LYPLA1: variants seen among roughly 807,000 people sequenced by gnomAD.
LYPLA1 encodes acyl-protein thioesterase 1.
A neutral mutation model predicts 34.0 loss-of-function variants in LYPLA1; 17 were observed. That is an observed-to-expected ratio of 0.50 (90% CI 0.34 to 0.75). The LOEUF (loss-of-function observed/expected upper bound fraction) is 0.75, where lower values mean the gene tolerates loss of function less well. Among genes scored for constraint, LYPLA1 ranks in the 30% least tolerant of loss-of-function variants. The pLI, the probability that LYPLA1 is intolerant of heterozygous loss-of-function variation, is 0.01. For missense variants in LYPLA1, 203 were observed against 288.8 expected, an observed-to-expected ratio of 0.70 and a Z score of 2.15; for synonymous variants, 98 against 100.8, an observed-to-expected ratio of 0.97 and a Z score of 0.17.
At chr8:54,100,494 C>A (rs2129376808) in intron 2 of LYPLA1, 1 of 180,318 alleles carries the variant, frequency 5.5e-6, no homozygotes, top group South Asian at 1.1e-4. Flanking sequence ...AACATCTAAT[C>A]CCTCTATTCA....
chr8:54,096,667 C>G (rs1809710111), intron 2 of LYPLA1, among the ~76,000 whole-genome samples: 1 of 151,506 alleles, frequency 6.6e-6, no homozygotes, highest in South Asian at 2.1e-4. Flanking sequence ...CACTTGAACT[C>G]AGGAGGCAGA....
At chr8:54,059,494 C>T (rs1298879526) in intron 5 of LYPLA1, among the ~76,000 whole-genome samples, 1 of 90,062 alleles carries the variant, frequency 1.1e-5, no homozygotes. Context: ...TTAGTAGAGA[C>T]GGGGTTTCAC....
chr8:54,049,371 C>G (rs761566364), intron 8 of LYPLA1, among the ~76,000 whole-genome samples: 5 of 152,148 alleles, frequency 3.3e-5, no homozygotes, highest in Non-Finnish European at 5.9e-5. Context: ...CAAGCACTCT[C>G]TTCTCTCTCC....
intron 4 of LYPLA1, among the ~76,000 whole-genome samples, 161 bp from the exon 5 acceptor site, chr8:54,062,485 C>T (rs948384444): frequency 4.3e-5 from 6 of 140,056 alleles, no homozygotes; most frequent in African/African-American, 1.6e-4. Context: ...GAGACGAAGT[C>T]TCACTATTTA....
intron 5 of LYPLA1, 78 bp downstream of exon 5, chr8:54,062,176 C>T: frequency 9.6e-7 from 1 of 1,037,550 alleles, no homozygotes; most frequent in South Asian, 1.4e-5. Context: ...TAATTTTTAA[C>T]CAGTAGCGAT....
rs1436643368 is a variant in LYPLA1, at chr8:54,052,988, T to C, written c.361-232A>G. The C allele has an allele frequency of 3.3e-5, 15 of 453,976 alleles. No individual in the cohort carries two copies. In the East Asian group the frequency reaches 4.0e-4, roughly 12 times the overall value. The allele number at this position is 453,976 out of a possible 1,614,324, so 28.1% of individuals were successfully genotyped here. ...TTCCGACGAGACATAGTTTGTACCA[T>C]GGGAAACTGCTGCACTTACAACATG... is the stretch of plus-strand genomic sequence containing the variant. On this transcript the variant is annotated intron_variant, in intron 6 of 8. Transcript: ENST00000316963.
At chr8:54,070,657 A>T (rs935342385) in intron 2 of LYPLA1, among the ~76,000 whole-genome samples, 1 of 152,142 alleles carries the variant, frequency 6.6e-6, no homozygotes, top group Admixed American at 6.5e-5. Context: ...CGGGAGGAGG[A>T]GGTTGCAGTG....
intron 2 of LYPLA1, among the ~76,000 whole-genome samples, chr8:54,076,145 A>ATTCC (rs1328933158): frequency 2.6e-5 from 4 of 152,188 alleles, no homozygotes; most frequent in African/African-American, 9.7e-5. Context: ...TGTGGAAACT[A>ATTCC]TTAAATGCTC....
chr8:54,099,732 G>A (rs911937218), intron 2 of LYPLA1, among the ~76,000 whole-genome samples: 3 of 151,582 alleles, frequency 2.0e-5, no homozygotes, highest in African/African-American at 7.3e-5. Context: ...GGCCCAGGCT[G>A]GAGTGCAGTC....
chr8:54,084,219 C>CA (rs1808539693), intron 2 of LYPLA1, among the ~76,000 whole-genome samples: 1 of 142,280 alleles, frequency 7.0e-6, no homozygotes, highest in Admixed American at 6.9e-5. Flanking sequence ...AAACCAAAAC[C>CA]AAAAAACTTT....
intron 5 of LYPLA1, among the ~76,000 whole-genome samples, chr8:54,056,474 AGC>A (rs1436502317): frequency 2.0e-5 from 3 of 152,248 alleles, no homozygotes; most frequent in Non-Finnish European, 4.4e-5. Flanking sequence ...GCTTCTGCAC[AGC>A]AAAGGATACA....
downstream of LYPLA1, among the ~76,000 whole-genome samples, chr8:54,043,371 A>T (rs1445077421): frequency 6.6e-6 from 1 of 152,004 alleles, no homozygotes; most frequent in Non-Finnish European, 1.5e-5. Context: ...CGCCTCCCGG[A>T]TTCAAATGAT....
chr8:54,093,161 G>A (rs1563667951), intron 2 of LYPLA1, among the ~76,000 whole-genome samples: 2 of 152,174 alleles, frequency 1.3e-5, no homozygotes, highest in South Asian at 2.1e-4. Context: ...TGAGAATTAC[G>A]CAAATCTACA....
intron 5 of LYPLA1, among the ~76,000 whole-genome samples, chr8:54,057,766 T>C (rs1806317804): frequency 6.6e-6 from 1 of 152,148 alleles, no homozygotes; most frequent in South Asian, 2.1e-4. Context: ...CTATAGTCAA[T>C]AGTAACTTAG....
intron 8 of LYPLA1, among the ~76,000 whole-genome samples, chr8:54,050,322 C>A (rs1003550697): frequency 6.6e-6 from 1 of 152,150 alleles, no homozygotes; most frequent in Non-Finnish European, 1.5e-5. Flanking sequence ...GGTTACTACA[C>A]CCCACATAAT....
At chr8:54,048,295 A>G (rs1468190334) in intron 8 of LYPLA1, among the ~76,000 whole-genome samples, 177 bp from the exon 9 acceptor site, 1 of 152,220 alleles carries the variant, frequency 6.6e-6, no homozygotes, top group East Asian at 1.9e-4. Context: ...GACATTTCCT[A>G]TCATGATTAT....
downstream of LYPLA1, among the ~76,000 whole-genome samples, chr8:54,045,782 C>A (rs1049078786): frequency 6.6e-6 from 1 of 152,112 alleles, no homozygotes; most frequent in Non-Finnish European, 1.5e-5. Context: ...AGAAAAAGAC[C>A]GGGCACAGTG....
At chr8:54,094,418 T>C (rs1045401396) in intron 2 of LYPLA1, among the ~76,000 whole-genome samples, 2 of 152,200 alleles carry the variant, frequency 1.3e-5, no homozygotes, top group African/African-American at 2.4e-5. Flanking sequence ...AGTTGCACTG[T>C]TGGCCAGAAC....
intron 2 of LYPLA1, among the ~76,000 whole-genome samples, chr8:54,084,720 C>G (rs1446862764): frequency 6.6e-6 from 1 of 152,146 alleles, no homozygotes; most frequent in African/African-American, 2.4e-5. Flanking sequence ...CAGACTACTA[C>G]TAACTTGACA....
Sources: gnomAD v4.1 joint callset for allele counts (sites outside exome capture counted in the v4.1 genomes callset) on GRCh38, gnomAD v4.1.1 for gene constraint, MANE v1.5 for transcripts, NCBI Gene and HGNC (gene_info 2026-07-23, HGNC 2026-07-21) for gene names.